CDH18: variants seen among roughly 807,000 people sequenced by gnomAD.
CDH18 encodes cadherin-18.
CDH18 carries 31 observed loss-of-function variants against 67.9 expected under a neutral mutation model. The ratio of observed to expected loss-of-function variants is 0.46; its 90% confidence interval spans 0.34 to 0.62. CDH18 has a LOEUF of 0.62. Among genes scored for constraint, CDH18 ranks in the 20% least tolerant of loss-of-function variants. The pLI, the probability that CDH18 is intolerant of heterozygous loss-of-function variation, is 0.01. For missense variants in CDH18, 890 were observed against 975.5 expected, an observed-to-expected ratio of 0.91 and a Z score of 1.17; for synonymous variants, 362 against 347.2, an observed-to-expected ratio of 1.04 and a Z score of -0.48.
chr5:19,950,809 AGAAAT>A (rs1349475928), intron 2 of CDH18, among the ~76,000 whole-genome samples: 7 of 152,202 alleles, frequency 4.6e-5, no homozygotes, highest in South Asian at 4.1e-4. Flanking sequence ...ATTAATGGAT[AGAAAT>A]GAAATATTAA....
chr5:19,472,741 G>A lies in CDH18; in HGVS notation c.*485C>T, dbSNP rs1419273141. Among the ~76,000 whole-genome samples the A allele has an allele frequency of 6.6e-6, 1 of 152,070 alleles. No homozygotes were observed. Among genetic ancestry groups the A allele is most frequent in the Non-Finnish European group, 1.5e-5 (1 of 68,012 alleles). On this transcript the variant is annotated 3_prime_UTR_variant, in exon 13 of 13. Transcript: ENST00000382275. ...ACACAAGACAAGGCTAATGAGATCTGTTATAATAACAGAGTGTGGTTCTCA... is the reference window on the plus strand; with the variant it reads ...ACACAAGACAAGGCTAATGAGATCTATTATAATAACAGAGTGTGGTTCTCA...
intron 2 of CDH18, among the ~76,000 whole-genome samples, chr5:20,196,270 G>A (rs1267726411): frequency 6.7e-6 from 1 of 148,356 alleles, no homozygotes; most frequent in Admixed American, 6.6e-5. Flanking sequence ...AATTTGATAG[G>A]CAATATTCTG....
chr5:19,913,256 T>A (rs1791358019), intron 2 of CDH18, among the ~76,000 whole-genome samples: 2 of 152,132 alleles, frequency 1.3e-5, no homozygotes, highest in Admixed American at 1.3e-4. Context: ...ATAATGCTCT[T>A]CATACTCTTT....
At chr5:19,473,847 A>G (rs1737991934) in intron 12 of CDH18, 131 bp from the exon 13 acceptor site, 1 of 742,772 alleles carries the variant, frequency 1.3e-6, no homozygotes, top group Non-Finnish European at 2.3e-6. Context: ...GCATTGCAGC[A>G]CAACTCACTC....
chr5:19,808,247 AC>A (rs1435164217), intron 3 of CDH18, among the ~76,000 whole-genome samples: 10 of 151,954 alleles, frequency 6.6e-5, no homozygotes, highest in Admixed American at 2.0e-4. Flanking sequence ...ATTATATTTA[AC>A]TTTGTAACTT....
chr5:20,412,673 G>T (rs748112534), intron 1 of CDH18, among the ~76,000 whole-genome samples: 10 of 151,996 alleles, frequency 6.6e-5, no homozygotes, highest in Non-Finnish European at 1.2e-4. Context: ...TAAAAACTGG[G>T]CAAAGGACAC....
chr5:19,729,886 C>A (rs543174424), intron 4 of CDH18, among the ~76,000 whole-genome samples: 2 of 152,310 alleles, frequency 1.3e-5, no homozygotes, highest in South Asian at 4.1e-4. Flanking sequence ...TAATACCTGT[C>A]ATTGACATTG....
At chr5:20,524,254 A>C (rs1755912374) in intron 1 of CDH18, among the ~76,000 whole-genome samples, 1 of 152,188 alleles carries the variant, frequency 6.6e-6, no homozygotes, top group Admixed American at 6.6e-5. Flanking sequence ...GTGTGAATTT[A>C]GACTTGTATA....
intron 2 of CDH18, among the ~76,000 whole-genome samples, chr5:20,182,505 G>A (rs1413515147): frequency 1.3e-5 from 2 of 150,350 alleles, no homozygotes; most frequent in Admixed American, 1.3e-4. Context: ...AAGAGACTGA[G>A]GCAGGAAAAT....
chr5:20,363,724 T>TC (rs888325752), intron 1 of CDH18, among the ~76,000 whole-genome samples: 5 of 151,850 alleles, frequency 3.3e-5, no homozygotes, highest in African/African-American at 1.2e-4. Context: ...GTTAATTTTT[T>TC]TTTTTTTTAC....
chr5:20,215,254 C>T (rs192319601), intron 2 of CDH18, among the ~76,000 whole-genome samples: 361 of 151,876 alleles, frequency 2.4e-3, no homozygotes, highest in African/African-American at 8.1e-3. Flanking sequence ...AATACTCGAA[C>T]AATTTGAGCA....
intron 9 of CDH18, among the ~76,000 whole-genome samples, chr5:19,524,223 C>T (rs578209442): frequency 1.3e-5 from 2 of 150,718 alleles, no homozygotes; most frequent in African/African-American, 2.4e-5. Context: ...ATATTAATAC[C>T]TTCATATATA....
At chr5:19,830,666 C>T (rs1031553572) in intron 3 of CDH18, among the ~76,000 whole-genome samples, 1 of 151,978 alleles carries the variant, frequency 6.6e-6, no homozygotes, top group Non-Finnish European at 1.5e-5. Context: ...ACCATTTCAC[C>T]CAGCAATCCA....
chr5:20,438,419 G>T (rs914394890), intron 1 of CDH18, among the ~76,000 whole-genome samples: 3 of 151,180 alleles, frequency 2.0e-5, no homozygotes, highest in African/African-American at 7.3e-5. Flanking sequence ...CTAATATTCT[G>T]CAAAGATAGG....
chr5:20,185,990 T>C (rs1344182221), intron 2 of CDH18, among the ~76,000 whole-genome samples: 2 of 151,558 alleles, frequency 1.3e-5, no homozygotes. Flanking sequence ...AAGAGGAAAA[T>C]GGTAGAGGCA....
chr5:20,452,523 G>T (rs182135255), intron 1 of CDH18, among the ~76,000 whole-genome samples: 1 of 151,960 alleles, frequency 6.6e-6, no homozygotes, highest in Non-Finnish European at 1.5e-5. Flanking sequence ...ACTAAATACT[G>T]CACGTCCTGA....
chr5:19,493,179 C>CTAG (rs1485192277), intron 11 of CDH18, among the ~76,000 whole-genome samples: 9 of 152,302 alleles, frequency 5.9e-5, no homozygotes, highest in Admixed American at 5.9e-4. Context: ...GTAGTGATCT[C>CTAG]TCTAAAGTAG....
chr5:19,632,377 G>C (rs963698028), intron 5 of CDH18, among the ~76,000 whole-genome samples: 1 of 151,964 alleles, frequency 6.6e-6, no homozygotes, highest in Admixed American at 6.6e-5. Context: ...TGTCTTTTTT[G>C]TTTACAATTC....
At chr5:19,799,921 G>A (rs1777278360) in intron 3 of CDH18, among the ~76,000 whole-genome samples, 1 of 152,062 alleles carries the variant, frequency 6.6e-6, no homozygotes. Context: ...TTCTGTTCAA[G>A]ATGGAAGATG....
Sources: gnomAD v4.1 joint callset for allele counts (sites outside exome capture counted in the v4.1 genomes callset) on GRCh38, gnomAD v4.1.1 for gene constraint, MANE v1.5 for transcripts, NCBI Gene and HGNC (gene_info 2026-07-23, HGNC 2026-07-21) for gene names.